The following TTC28 variants were observed in gnomAD, a reference collection of about 807,000 sequenced individuals.
The protein encoded by TTC28 is tetratricopeptide repeat domain 28.
Under a neutral mutation model 198.0 loss-of-function variants are expected in TTC28, and 61 were observed. That is an observed-to-expected ratio of 0.31 (90% confidence interval 0.25 to 0.38). TTC28 has a LOEUF of 0.38. Among genes scored for constraint, TTC28 ranks in the 10% least tolerant of loss-of-function variants. The pLI is 1.00. For synonymous variants in TTC28, 1,171 were observed against 1,297.8 expected (o/e 0.90, Z 2.10); for missense variants, 2,678 against 3,164.0 (o/e 0.85, Z 3.69).
At chr22:28,299,445 A>C (rs2044971246) in intron 3 of TTC28, among the ~76,000 whole-genome samples, 1 of 152,176 alleles carries the variant, frequency 6.6e-6, no homozygotes, top group African/African-American at 2.4e-5. Context: ...TCCTTCAATC[A>C]GATCACTAAC....
At position 27,983,507 on chromosome 22, in the gene TTC28, C is replaced by T. The variant is rs1292309534; in HGVS notation, c.6160G>A (p.Glu2054Lys). ...ATGATAGAAAACCCTTCATATTCTT[C>T]TTCATCTTTGTTGCCTGCAGGGCGG... ...QTRPAGNKDE[E>K]EYEGFSIISN... Residue 2054 changes from glutamate (E) to lysine (K), a missense_variant, in exon 23 of 23, where the codon GAA becomes AAA. Transcript: ENST00000397906. 3 of 1,548,640 alleles carry T rather than the reference C, an allele frequency of 1.9e-6. No individual in the cohort carries two copies. Among genetic ancestry groups the T allele is most frequent in the East Asian group, 2.4e-5 (1 of 40,920 alleles).
chr22:28,235,549 A>G (rs1929177578), intron 5 of TTC28, among the ~76,000 whole-genome samples: 3 of 152,230 alleles, frequency 2.0e-5, no homozygotes, highest in African/African-American at 7.2e-5. Flanking sequence ...AACATTTTAT[A>G]AAGTTTCTAG....
At chr22:28,519,110 G>T (rs143311261) in intron 2 of TTC28, among the ~76,000 whole-genome samples, 1 of 152,162 alleles carries the variant, frequency 6.6e-6, no homozygotes, top group African/African-American at 2.4e-5. Flanking sequence ...AGAGAGCAGG[G>T]AGAAGTGTAG....
intron 18 of TTC28, chr22:27,993,001 C>A (rs2146525245): frequency 3.5e-6 from 2 of 565,618 alleles, no homozygotes; most frequent in South Asian, 4.6e-5. Flanking sequence ...ATGACAATGG[C>A]AGTAGTGGCC....
chr22:27,983,274 T>G lies in TTC28; in HGVS notation c.6393A>C (p.Ser2131=), dbSNP rs77293143. The change falls in exon 23 of 23, where the codon TCA becomes TCC. Residue 2131 remains serine (S), a synonymous_variant. Coordinates refer to ENST00000397906, the MANE Select transcript of TTC28 (RefSeq NM_001145418.2). ...PFQKVGKLAS[S]DTGESDQSST... ...TAGACTGGTCTGATTCTCCTGTATCTGAGCTTGCTAGTTTTCCCACCTTTT... is the reference window on the plus strand; with the variant it reads ...TAGACTGGTCTGATTCTCCTGTATCGGAGCTTGCTAGTTTTCCCACCTTTT... 2.6e-6 allele frequency: 4 copies of G among 1,551,992 alleles called. No individual in the cohort carries two copies. Among genetic ancestry groups the G allele is most frequent in the Non-Finnish European group, 3.5e-6 (4 of 1,147,010 alleles).
chr22:28,109,935 A>C (rs1355408078), intron 6 of TTC28, among the ~76,000 whole-genome samples: 1 of 152,150 alleles, frequency 6.6e-6, no homozygotes, highest in Non-Finnish European at 1.5e-5. Context: ...AGCTGTGAAA[A>C]CCTAGCCTCC....
intron 6 of TTC28, among the ~76,000 whole-genome samples, chr22:28,161,715 A>G (rs1921205617): frequency 6.8e-6 from 1 of 146,594 alleles, no homozygotes; most frequent in East Asian, 2.1e-4. Context: ...GGGAAAGAGG[A>G]AAGGAAAGAG....
intron 5 of TTC28, among the ~76,000 whole-genome samples, chr22:28,226,992 C>T (rs1928392826): frequency 6.6e-6 from 1 of 152,164 alleles, no homozygotes; most frequent in South Asian, 2.1e-4. Context: ...GTAGAGCAAT[C>T]ATAGCTCACT....
chr22:28,018,281 G>GTGTGTGTGTA (rs1938451635), intron 13 of TTC28, among the ~76,000 whole-genome samples: 2 of 130,420 alleles, frequency 1.5e-5, no homozygotes, highest in African/African-American at 3.0e-5. Context: ...GTGTGTGTAT[G>GTGTGTGTGTA]TGTGTGCGCG....
intron 5 of TTC28, among the ~76,000 whole-genome samples, chr22:28,241,124 C>T (rs1280541976): frequency 6.6e-6 from 1 of 152,148 alleles, no homozygotes; most frequent in East Asian, 1.9e-4. Context: ...ACCTGAACCA[C>T]ATAATCAAAG....
At chr22:27,985,959 C>T (rs1442135366) in intron 21 of TTC28, 2 of 153,978 alleles carry the variant, frequency 1.3e-5, no homozygotes, top group African/African-American at 4.8e-5. Context: ...AGGTGTAACA[C>T]AGGGCATGGA....
chr22:28,193,174 C>A (rs1321936115), intron 5 of TTC28, among the ~76,000 whole-genome samples: 3 of 152,136 alleles, frequency 2.0e-5, no homozygotes, highest in East Asian at 1.9e-4. Context: ...AATTTCATAT[C>A]CAGCCAAACT....
chr22:28,422,003 T>C lies in TTC28; in HGVS notation c.382-115360A>G, dbSNP rs1001767897. Among the ~76,000 whole-genome samples the C allele has an allele frequency of 2.6e-5, 4 of 151,166 alleles. No individual in the cohort carries two copies. The East Asian group carries it at 5.8e-4, about 22-fold the overall frequency. ...AAAAAAAAACAAAAAGTAAGAAATATAAGCTTCGAACAGATTTGATGGGGA... is the reference window on the plus strand; with the variant it reads ...AAAAAAAAACAAAAAGTAAGAAATACAAGCTTCGAACAGATTTGATGGGGA... On this transcript the variant is annotated intron_variant, in intron 2 of 22. Coordinates refer to ENST00000397906, the MANE Select transcript of TTC28 (RefSeq NM_001145418.2).
At chr22:28,269,075 T>G (rs182227107) in intron 5 of TTC28, among the ~76,000 whole-genome samples, 2 of 152,312 alleles carry the variant, frequency 1.3e-5, no homozygotes, top group Admixed American at 1.3e-4. Context: ...CTGGGCCTTC[T>G]AAAAGCTGTT....
chr22:28,622,644 C>T (rs2051018188), intron 2 of TTC28, among the ~76,000 whole-genome samples: 1 of 151,888 alleles, frequency 6.6e-6, no homozygotes, highest in Admixed American at 6.6e-5. Flanking sequence ...AGAAAAAAGT[C>T]CAATTTTGGC....
chr22:28,230,099 T>A (rs1321610015), intron 5 of TTC28, among the ~76,000 whole-genome samples: 1 of 152,160 alleles, frequency 6.6e-6, no homozygotes. Flanking sequence ...GTGGCAGTAG[T>A]CTGCATCCTG....
intron 2 of TTC28, among the ~76,000 whole-genome samples, chr22:28,348,246 C>G (rs1281090012): frequency 6.6e-6 from 1 of 152,216 alleles, no homozygotes; most frequent in African/African-American, 2.4e-5. Context: ...GGAGATGCAG[C>G]TCCAGCCATT....
chr22:28,372,885 C>A (rs1277260158), intron 2 of TTC28, among the ~76,000 whole-genome samples: 1 of 152,160 alleles, frequency 6.6e-6, no homozygotes, highest in Admixed American at 6.5e-5. Context: ...CCTAGAAATG[C>A]CTCCAACAGT....
At chr22:28,537,244 G>A (rs2049299864) in intron 2 of TTC28, among the ~76,000 whole-genome samples, 1 of 145,784 alleles carries the variant, frequency 6.9e-6, no homozygotes, top group Admixed American at 7.0e-5. Flanking sequence ...AGTGAGTCGA[G>A]ATTGCGCCAC....
Sources: allele counts gnomAD v4.1 joint callset (sites outside exome capture counted in the v4.1 genomes callset), GRCh38; gene constraint gnomAD v4.1.1; transcripts MANE v1.5; gene names NCBI Gene and HGNC (gene_info 2026-07-23, HGNC 2026-07-21).